Variants in DNAH3 observed in about 807,000 individuals in gnomAD.
DNAH3 encodes dynein axonemal heavy chain 3.
In DNAH3, 332 loss-of-function variants were observed where a neutral mutation model predicts 432.5. That is an observed-to-expected ratio of 0.77 (90% CI 0.70 to 0.84). The LOEUF (loss-of-function observed/expected upper bound fraction) is 0.84. Among genes scored for constraint, DNAH3 ranks in the 40% least tolerant of loss-of-function variants. DNAH3 has a pLI of 0.00. For missense variants in DNAH3, 4,861 were observed against 5,114.0 expected, an observed-to-expected ratio of 0.95 and a Z score of 1.51; for synonymous variants, 1,956 against 1,900.2, an observed-to-expected ratio of 1.03 and a Z score of -0.76.
chr16:21,115,721 T>TAAATA lies in DNAH3; in HGVS notation c.1814+1477_1814+1481dup, dbSNP rs1555563803. Reference sequence around the variant, plus strand: ...GATGCCATCTCAAAAAATAATAAAATAAATAAAATAAAATAAAATAAAATA... The same window carrying TAAATA: ...GATGCCATCTCAAAAAATAATAAAATAAATAAAATAAAATAAAATAAAATAAAATA... On this transcript the variant is annotated intron_variant, in intron 12 of 61. Transcript: ENST00000261383. Among the ~76,000 whole-genome samples the TAAATA allele has an allele frequency of 3.4e-3, 478 of 141,012 alleles. 6 individuals are homozygous for TAAATA. The highest frequency in any genetic ancestry group is 0.01 in the African/African-American group (391 of 38,136). 92.5% of individuals were successfully genotyped at this position (141,012 alleles called of 152,430 possible).
At chr16:20,966,471 C>G (rs956225811) in intron 52 of DNAH3, among the ~76,000 whole-genome samples, 1 of 152,130 alleles carries the variant, frequency 6.6e-6, no homozygotes, top group African/African-American at 2.4e-5. Flanking sequence ...GCCCCCCTCC[C>G]CGCTGCACCA....
intron 59 of DNAH3, among the ~76,000 whole-genome samples, chr16:20,938,268 C>T (rs2083669804): frequency 6.6e-6 from 1 of 152,050 alleles, no homozygotes; most frequent in Non-Finnish European, 1.5e-5. Context: ...GCCTGTAATT[C>T]CAGCTACTCA....
At position 21,067,765 on chromosome 16, in the gene DNAH3, G is replaced by GT. The variant is rs1484804410; in HGVS notation, c.3382-347_3382-346insA. On this transcript the variant is annotated intron_variant, in intron 23 of 61. Transcript: ENST00000261383. Reference sequence around the variant, plus strand: ...ATAGAGAAAGCCAGTCTTGGGGGGGGGGGTGGGGAGGGAGAGAGAGAGAGA... The same window carrying GT: ...ATAGAGAAAGCCAGTCTTGGGGGGGGTGGGTGGGGAGGGAGAGAGAGAGAGA... Among the ~76,000 whole-genome samples, 4 of 89,904 alleles carry GT rather than the reference G, an allele frequency of 4.4e-5. 1 individual carries two copies. The highest frequency in any genetic ancestry group is 4.6e-5 in the Non-Finnish European group (2 of 43,700). The allele number at this position is 89,904 out of a possible 152,430, so 59.0% of individuals were successfully genotyped here.
At chr16:20,965,189 T>C (rs1199094573) in exon 53 of DNAH3, 2 of 1,613,932 alleles carry the variant, frequency 1.2e-6, no homozygotes, top group Non-Finnish European at 1.7e-6. Context: ...GCCACCACCT[T>C]GGCCACGCGA....
At chr16:20,951,718 A>G (rs1400186221) in intron 56 of DNAH3, among the ~76,000 whole-genome samples, 1 of 140,744 alleles carries the variant, frequency 7.1e-6, no homozygotes, top group East Asian at 2.1e-4. Flanking sequence ...TACAGGCATG[A>G]TCCACTGCGC....
chr16:21,118,099 T>C (rs1014731622), intron 11 of DNAH3, among the ~76,000 whole-genome samples: 2 of 151,742 alleles, frequency 1.3e-5, no homozygotes, highest in African/African-American at 4.8e-5. Context: ...GCGATTCTCC[T>C]GCCTCAGCCT....
chr16:20,965,461 A>T, intron 52 of DNAH3, 36 bp from the exon 53 acceptor site: 2 of 1,474,140 alleles, frequency 1.4e-6, no homozygotes, highest in Middle Eastern at 2.2e-4. Context: ...ATGTGTTAAG[A>T]CATTCTGGCC....
At chr16:21,010,294 G>C (rs1034831808) in intron 41 of DNAH3, among the ~76,000 whole-genome samples, 4 of 152,110 alleles carry the variant, frequency 2.6e-5, no homozygotes, top group African/African-American at 9.7e-5. Context: ...TTCAGGAATG[G>C]ATTGGTAATG....
At chr16:21,115,740 TAAAATA>T (rs2092180325) in intron 12 of DNAH3, among the ~76,000 whole-genome samples, 2 of 148,218 alleles carry the variant, frequency 1.3e-5, no homozygotes, top group East Asian at 2.0e-4. Context: ...TAAAATAAAA[TAAAATA>T]AAAATAAAAT....
At position 20,955,023 on chromosome 16, in the gene DNAH3, G is replaced by C. The variant is rs199783094; in HGVS notation, c.10861C>G (p.Pro3621Ala). 363 of 1,612,550 alleles carry C rather than the reference G, an allele frequency of 2.3e-4. 3 individuals are homozygous for C. The highest frequency in any genetic ancestry group is 9.9e-4 in the Middle Eastern group (6 of 6,076). Residue 3621 changes from proline to alanine, a missense_variant, in exon 55 of 62, where the codon CCA becomes GCA. Transcript: ENST00000261383. ...ATTCCATTCTGGAGAATGCTGACTG[G>C]AAACTTCTCTGATGGATAGCTGGTT...
intron 1 of DNAH3, among the ~76,000 whole-genome samples, chr16:21,157,025 A>C (rs1366980598): frequency 6.6e-6 from 1 of 151,372 alleles, no homozygotes; most frequent in Non-Finnish European, 1.5e-5. Context: ...ACACACACAC[A>C]ATCTTTTCCT....
At chr16:20,966,069 C>A (rs1215192262) in intron 52 of DNAH3, among the ~76,000 whole-genome samples, 1 of 84,854 alleles carries the variant, frequency 1.2e-5, no homozygotes, top group Non-Finnish European at 2.1e-5. Flanking sequence ...TGGAGTCTCA[C>A]TTTTGCTGCC....
chr16:21,041,329 C>A (rs931939742), intron 32 of DNAH3, among the ~76,000 whole-genome samples: 3 of 152,108 alleles, frequency 2.0e-5, no homozygotes, highest in Non-Finnish European at 2.9e-5. Flanking sequence ...CAAGATCATG[C>A]CACTGCATTC....
At chr16:20,938,861 C>T (rs2083696089) in intron 59 of DNAH3, among the ~76,000 whole-genome samples, 1 of 152,066 alleles carries the variant, frequency 6.6e-6, no homozygotes, top group African/African-American at 2.4e-5. Flanking sequence ...ACTGCAACCT[C>T]CACTTCCCAG....
intron 40 of DNAH3, 36 bp from the exon 41 acceptor site, chr16:21,019,905 C>T (rs748643937): frequency 6.2e-7 from 1 of 1,604,312 alleles, no homozygotes; most frequent in Non-Finnish European, 8.5e-7. Flanking sequence ...GGACAGAGTG[C>T]AGAATGCCAC....
chr16:21,012,331 AAAACAAAACAG>A (rs773800382), intron 41 of DNAH3, among the ~76,000 whole-genome samples: 9 of 152,224 alleles, frequency 5.9e-5, no homozygotes, highest in Non-Finnish European at 1.2e-4. Context: ...CAGTCTGTTA[AAAACAAAACAG>A]AAACAAAACC....
intron 7 of DNAH3, among the ~76,000 whole-genome samples, chr16:21,132,636 A>C (rs1440714487): frequency 6.6e-6 from 1 of 152,212 alleles, no homozygotes; most frequent in Non-Finnish European, 1.5e-5. Flanking sequence ...AAGACACCAG[A>C]CACAAAAGAT....
intron 4 of DNAH3, 149 bp downstream of exon 5, chr16:21,141,151 T>G (rs2092713128): frequency 3.1e-6 from 2 of 652,306 alleles, no homozygotes; most frequent in Non-Finnish European, 5.1e-6. Context: ...AAAAAAAAAT[T>G]TTTTTTTTGA....
exon 46 of DNAH3, chr16:20,987,783 T>C: frequency 6.2e-7 from 1 of 1,614,136 alleles, no homozygotes; most frequent in Non-Finnish European, 8.5e-7. Flanking sequence ...TCGAGGGAGT[T>C]GGCAAGAAGT....
Sources: gnomAD v4.1 joint callset for allele counts (sites outside exome capture counted in the v4.1 genomes callset) on GRCh38, gnomAD v4.1.1 for gene constraint, MANE v1.5 for transcripts, NCBI Gene and HGNC (gene_info 2026-07-23, HGNC 2026-07-21) for gene names.